SPARCL1: variants seen among roughly 807,000 people sequenced by gnomAD.
SPARCL1 encodes SPARC-like protein 1.
In SPARCL1, 52 loss-of-function variants were observed where a neutral mutation model predicts 67.1. The ratio of observed to expected loss-of-function variants is 0.78; its 90% confidence interval spans 0.62 to 0.98. SPARCL1 has a LOEUF of 0.98. SPARCL1 is among the 50% of genes least tolerant of loss of function. SPARCL1 has a pLI of 0.00. For missense variants in SPARCL1, 717 were observed against 782.4 expected (o/e 0.92, Z 1.00); for synonymous variants, 226 against 267.8 (o/e 0.84, Z 1.52).
intron 1 of SPARCL1, among the ~76,000 whole-genome samples, chr4:87,507,808 G>A (rs1725161198): frequency 6.6e-6 from 1 of 152,198 alleles, no homozygotes; most frequent in Non-Finnish European, 1.5e-5. Flanking sequence ...AGAACTTCTG[G>A]CTGACTGGTT....
Position 87,495,055 on chromosome 4 carries a change from G to T in SPARCL1, c.127C>A (p.Pro43Thr). The T allele has an allele frequency of 6.2e-7, 1 of 1,613,026 alleles. No individual in the cohort carries two copies. The highest frequency in any genetic ancestry group is 8.5e-7 in the Non-Finnish European group (1 of 1,179,524). ...TCTTCAGCTTCAGCCCTTAAACTGGGGATTGCAGTGTTGTCAGGTGCTACC... is the reference window on the plus strand; with the variant it reads ...TCTTCAGCTTCAGCCCTTAAACTGGTGATTGCAGTGTTGTCAGGTGCTACC... ...ETVAPDNTAI[P>T]SLRAEAEENE... The change falls in exon 3 of 11, where the codon CCC (proline) becomes ACC (threonine). Residue 43 changes from proline to threonine, a missense_variant. By Grantham distance (38) the Pro-to-Thr change is conservative. Coordinates refer to ENST00000282470, the MANE Select transcript of SPARCL1 (RefSeq NM_004684.6).
intron 8 of SPARCL1, among the ~76,000 whole-genome samples, chr4:87,481,562 A>G (rs1723823996): frequency 6.6e-6 from 1 of 152,164 alleles, no homozygotes; most frequent in African/African-American, 2.4e-5. Context: ...AAGGTCAGCT[A>G]TGACTTTGAC....
Position 87,494,968 on chromosome 4 carries a change from A to C in SPARCL1, c.201+13T>G. 1 of 1,585,636 alleles carries C rather than the reference A, an allele frequency of 6.3e-7. No individual in the cohort carries two copies. ...TTAAAAAATTGTATTAATATAAATG[A>C]TGTTACTTTTACCTTATGGTGGGAA... On this transcript the variant is annotated intron_variant, in intron 3 of 10. Transcript: ENST00000282470.
chr4:87,521,974 T>C (rs1311612834), intron 1 of SPARCL1, among the ~76,000 whole-genome samples: 1 of 152,206 alleles, frequency 6.6e-6, no homozygotes, highest in Non-Finnish European at 1.5e-5. Flanking sequence ...ACTCAGAACG[T>C]TCCTGTTCAC....
At chr4:87,517,556 T>G (rs571512501) in intron 1 of SPARCL1, among the ~76,000 whole-genome samples, 2 of 152,350 alleles carry the variant, frequency 1.3e-5, no homozygotes, top group South Asian at 4.1e-4. Context: ...CCCCTTAATT[T>G]ATTTGTTTCT....
rs146988024 is a variant in SPARCL1 at position 87,490,526 on chromosome 4, C to T, written c.1411-133G>A. ...GTCAGGTAGGTGAGACTATTAAAAT[C>T]GTAATTGTTCCATTTGGCATCAAAA... On this transcript the variant is annotated intron_variant, in intron 6 of 10. Coordinates refer to ENST00000282470, the MANE Select transcript of SPARCL1 (RefSeq NM_004684.6). 1.3e-3 allele frequency: 1,401 copies of T among 1,092,754 alleles called. 11 individuals are homozygous for T. In the African/African-American group the frequency reaches 0.019, roughly 15 times the overall value. 67.7% of individuals were successfully genotyped at this position (1,092,754 alleles called of 1,614,324 possible).
intron 8 of SPARCL1, among the ~76,000 whole-genome samples, chr4:87,481,876 T>C (rs1723836539): frequency 6.6e-6 from 1 of 152,222 alleles, no homozygotes; most frequent in Admixed American, 6.5e-5. Context: ...TGTAAACTCA[T>C]GAAGGCAGAG....
At chr4:87,493,425 A>C (rs1724436576) in intron 4 of SPARCL1, among the ~76,000 whole-genome samples, 157 bp downstream of exon 4, 1 of 152,232 alleles carries the variant, frequency 6.6e-6, no homozygotes, top group Non-Finnish European at 1.5e-5. Flanking sequence ...TCTCAGCCTA[A>C]TGATAGAGAT....
chr4:87,506,956 G>A (rs933330655), intron 1 of SPARCL1, among the ~76,000 whole-genome samples: 4 of 152,170 alleles, frequency 2.6e-5, no homozygotes, highest in African/African-American at 9.7e-5. Flanking sequence ...ATACCTAGGA[G>A]ATGCTCAATA....
chr4:87,475,494 A>G (rs1037621250), intron 10 of SPARCL1, among the ~76,000 whole-genome samples: 4 of 152,026 alleles, frequency 2.6e-5, no homozygotes, highest in Admixed American at 6.6e-5. Context: ...ACCCCTTTTC[A>G]TGTAACTCAA....
intron 1 of SPARCL1, among the ~76,000 whole-genome samples, chr4:87,519,774 T>C (rs1437708513): frequency 6.6e-6 from 1 of 152,210 alleles, no homozygotes; most frequent in African/African-American, 2.4e-5. Flanking sequence ...TTGTGTCAAG[T>C]ACTCATAAAA....
chr4:87,501,701 G>A (rs1230334707), intron 1 of SPARCL1, among the ~76,000 whole-genome samples: 2 of 151,898 alleles, frequency 1.3e-5, no homozygotes, highest in Non-Finnish European at 2.9e-5. Context: ...CCTTAGTTTG[G>A]ATACTTTTAC....
intron 5 of SPARCL1, among the ~76,000 whole-genome samples, 183 bp downstream of exon 5, chr4:87,491,435 A>G (rs536604095): frequency 6.6e-6 from 1 of 152,316 alleles, no homozygotes; most frequent in South Asian, 2.1e-4. Flanking sequence ...ACATTTACCC[A>G]TTGTTGTATA....
intron 1 of SPARCL1, among the ~76,000 whole-genome samples, chr4:87,518,275 T>C (rs538864309): frequency 1.3e-5 from 2 of 152,264 alleles, no homozygotes; most frequent in South Asian, 4.1e-4. Flanking sequence ...CAGCTGTTAA[T>C]TCTTCTCCTC....
At chr4:87,503,306 T>C (rs1410351110) in intron 1 of SPARCL1, among the ~76,000 whole-genome samples, 1 of 152,210 alleles carries the variant, frequency 6.6e-6, no homozygotes, top group Non-Finnish European at 1.5e-5. Flanking sequence ...GGTTCTTCAG[T>C]GTGAATGGCT....
intron 1 of SPARCL1, among the ~76,000 whole-genome samples, chr4:87,523,371 C>A (rs1463530935): frequency 6.6e-6 from 1 of 152,084 alleles, no homozygotes; most frequent in African/African-American, 2.4e-5. Flanking sequence ...AGTCATTATT[C>A]CTGAGGTATG....
intron 1 of SPARCL1, among the ~76,000 whole-genome samples, chr4:87,513,288 C>G (rs866738732): frequency 6.6e-6 from 1 of 152,154 alleles, no homozygotes; most frequent in Non-Finnish European, 1.5e-5. Context: ...TTTGAAGAGT[C>G]TAAATTATTT....
chr4:87,477,570 G>C (rs1472553145), intron 10 of SPARCL1, among the ~76,000 whole-genome samples: 1 of 152,134 alleles, frequency 6.6e-6, no homozygotes, highest in Non-Finnish European at 1.5e-5. Flanking sequence ...TTTCTGCCTG[G>C]TCACTCGCTC....
intron 1 of SPARCL1, among the ~76,000 whole-genome samples, chr4:87,509,339 G>A (rs1312682413): frequency 6.6e-6 from 1 of 152,138 alleles, no homozygotes; most frequent in Non-Finnish European, 1.5e-5. Flanking sequence ...CGGGCATAAA[G>A]ATTAAGTAAC....
Sources: gnomAD v4.1 joint callset for allele counts (sites outside exome capture counted in the v4.1 genomes callset) on GRCh38, gnomAD v4.1.1 for gene constraint, MANE v1.5 for transcripts, NCBI Gene and HGNC (gene_info 2026-07-23, HGNC 2026-07-21) for gene names.